KIAA0825: variants seen among roughly 807,000 people sequenced by gnomAD.
The protein encoded by KIAA0825 is uncharacterized protein KIAA0825.
KIAA0825 carries 119 observed loss-of-function variants against 147.6 expected under a neutral mutation model. That is an observed-to-expected ratio of 0.81 (90% confidence interval 0.69 to 0.94). KIAA0825 has a LOEUF of 0.94. Among genes scored for constraint, KIAA0825 ranks in the 40% least tolerant of loss-of-function variants. The pLI, the probability that KIAA0825 is intolerant of heterozygous loss-of-function variation, is 0.00. For synonymous variants in KIAA0825, 470 were observed against 518.1 expected (o/e 0.91, Z 1.26); for missense variants, 1,381 against 1,472.7 (o/e 0.94, Z 1.02).
At position 94,200,363 on chromosome 5, in the gene KIAA0825, C is replaced by T. The variant is rs146232278; in HGVS notation, c.3711-46239G>A. Among the ~76,000 whole-genome samples the T allele has an allele frequency of 5.0e-3, 757 of 152,286 alleles. 6 individuals carry two copies. Among genetic ancestry groups the T allele is most frequent in the African/African-American group, 0.017 (709 of 41,554 alleles). ...CAGGGTTTCTAGCTTCCTCCCCTGTCAGCCCTGTGGTCTGCATCCTTCCTC... is the reference window on the plus strand; with the variant it reads ...CAGGGTTTCTAGCTTCCTCCCCTGTTAGCCCTGTGGTCTGCATCCTTCCTC... On this transcript the variant is annotated intron_variant, in intron 20 of 20. Coordinates refer to ENST00000682413, the MANE Select transcript of KIAA0825 (RefSeq NM_001145678.3).
intron 1 of KIAA0825, among the ~76,000 whole-genome samples, chr5:94,596,248 C>T (rs140190489): frequency 1.8e-3 from 275 of 152,138 alleles, no homozygotes; most frequent in African/African-American, 5.9e-3. Flanking sequence ...CCATTTTAGT[C>T]GATTTTTGTA....
At chr5:94,176,610 C>T (rs998991428) in intron 20 of KIAA0825, among the ~76,000 whole-genome samples, 7 of 151,944 alleles carry the variant, frequency 4.6e-5, no homozygotes, top group Non-Finnish European at 1.0e-4. Context: ...GAGGGTCTTA[C>T]CTAAACAATT....
At chr5:94,374,674 C>A (rs1747269416) in intron 20 of KIAA0825, among the ~76,000 whole-genome samples, 1 of 152,150 alleles carries the variant, frequency 6.6e-6, no homozygotes, top group African/African-American at 2.4e-5. Flanking sequence ...ACTTTAGCTC[C>A]AGGCATCTCC....
At position 94,413,178 on chromosome 5, in the gene KIAA0825, C is replaced by T. The variant is rs147535475; in HGVS notation, c.2662+4023G>A. 617 of 152,000 alleles carry T rather than the reference C, an allele frequency of 4.1e-3. 6 individuals are homozygous for T. Among genetic ancestry groups the T allele is most frequent in the Middle Eastern group, 0.024 (7 of 296 alleles). The allele number at this position is 152,000 out of a possible 1,614,324, so 9.4% of individuals were successfully genotyped here. ...GTTGGTCAAGCTGGTCTCAAACTCTCGACCGCAGATGATCTCCCACTTTGG... is the reference window on the plus strand; with the variant it reads ...GTTGGTCAAGCTGGTCTCAAACTCTTGACCGCAGATGATCTCCCACTTTGG... On this transcript the variant is annotated intron_variant, in intron 15 of 20. Coordinates refer to ENST00000682413, the MANE Select transcript of KIAA0825 (RefSeq NM_001145678.3).
chr5:94,367,235 G>T lies in KIAA0825; in HGVS notation c.3710+17133C>A, dbSNP rs565129368. Among the ~76,000 whole-genome samples the T allele has an allele frequency of 5.9e-5, 9 of 152,290 alleles. No homozygotes were observed. In the South Asian group the frequency reaches 1.7e-3, roughly 28 times the overall value. ...TTTACACCTGTTGTAAGAAATAGGGGCCCGTAATCCCAGCACTTTGGGAGG... is the reference window on the plus strand; with the variant it reads ...TTTACACCTGTTGTAAGAAATAGGGTCCCGTAATCCCAGCACTTTGGGAGG... On this transcript the variant is annotated intron_variant, in intron 20 of 20. Coordinates refer to ENST00000682413, the MANE Select transcript of KIAA0825 (RefSeq NM_001145678.3).
In KIAA0825 at chr5:94,225,153, C is replaced by T. The variant is rs140131016; in HGVS notation, c.3711-71029G>A. Among the ~76,000 whole-genome samples the T allele has an allele frequency of 7.5e-4, 114 of 152,262 alleles. 1 individual carries two copies. The highest frequency in any genetic ancestry group is 3.4e-3 in the Middle Eastern group (1 of 294). On this transcript the variant is annotated intron_variant, in intron 20 of 20. Coordinates refer to ENST00000682413, the MANE Select transcript of KIAA0825 (RefSeq NM_001145678.3). ...TGTGCAAGACCTTAAGTTATATAAT[C>T]TCCTAAAATGAAGTAAGTTGAAATG... is the stretch of plus-strand genomic sequence containing the variant.
chr5:94,405,990 G>C (rs1752007115), intron 15 of KIAA0825, among the ~76,000 whole-genome samples: 1 of 152,000 alleles, frequency 6.6e-6, no homozygotes, highest in African/African-American at 2.4e-5. Context: ...TCAGTGGCAT[G>C]ATCTTGGCTC....
At chr5:94,192,266 A>G (rs1479448133) in intron 20 of KIAA0825, among the ~76,000 whole-genome samples, 1 of 152,218 alleles carries the variant, frequency 6.6e-6, no homozygotes, top group East Asian at 1.9e-4. Flanking sequence ...CACATCACAC[A>G]AGGTGAAGGT....
rs917849624 is a variant in KIAA0825, at chr5:94,439,195, G to T, written c.2497+787C>A. Among the ~76,000 whole-genome samples the T allele has an allele frequency of 6.6e-5, 10 of 152,262 alleles. No individual in the cohort carries two copies. In the East Asian group the frequency reaches 1.9e-3, roughly 29 times the overall value. ...ATGGTGAAGGGACTTGGGTGCTTCA[G>T]GTGTTGGGGAACTACAGAAGAAAGA... On this transcript the variant is annotated intron_variant, in intron 14 of 20. Transcript: ENST00000682413.
At chr5:94,451,272 G>T (rs1325423419) in intron 13 of KIAA0825, among the ~76,000 whole-genome samples, 1 of 152,030 alleles carries the variant, frequency 6.6e-6, no homozygotes, top group African/African-American at 2.4e-5. Flanking sequence ...ATTCCATACT[G>T]AATTGTTTAA....
chr5:94,463,147 T>C (rs892420814), intron 11 of KIAA0825, among the ~76,000 whole-genome samples: 7 of 151,680 alleles, frequency 4.6e-5, no homozygotes, highest in African/African-American at 1.7e-4. Flanking sequence ...TTATTTATCT[T>C]ATTCATAGAC....
At chr5:94,304,195 T>G (rs779705021) in intron 20 of KIAA0825, among the ~76,000 whole-genome samples, 7 of 152,104 alleles carry the variant, frequency 4.6e-5, no homozygotes, top group Non-Finnish European at 8.8e-5. Context: ...ATAAAAGTCA[T>G]GAGACATTGC....
intron 1 of KIAA0825, among the ~76,000 whole-genome samples, chr5:94,587,221 G>C (rs1303828571): frequency 2.0e-5 from 3 of 152,098 alleles, no homozygotes; most frequent in Non-Finnish European, 2.9e-5. Context: ...AGAAATAAAG[G>C]GTATTCAATT....
At chr5:94,501,168 TA>T (rs937709086) in intron 5 of KIAA0825, among the ~76,000 whole-genome samples, 1 of 152,092 alleles carries the variant, frequency 6.6e-6, no homozygotes, top group Non-Finnish European at 1.5e-5. Context: ...GATTTAAAAA[TA>T]AAAAAATATG....
intron 20 of KIAA0825, among the ~76,000 whole-genome samples, chr5:94,269,485 A>G (rs1214358480): frequency 2.0e-5 from 3 of 152,134 alleles, no homozygotes; most frequent in African/African-American, 7.2e-5. Flanking sequence ...GAGTGGCTGA[A>G]TGGAATTTTT....
chr5:94,430,785 C>CA (rs1427376050), intron 14 of KIAA0825, among the ~76,000 whole-genome samples: 2 of 152,188 alleles, frequency 1.3e-5, no homozygotes, highest in Admixed American at 6.5e-5. Flanking sequence ...TAAAATATTT[C>CA]AGTCACTGCC....
chr5:94,402,841 A>AAAG (rs149225930), intron 16 of KIAA0825, among the ~76,000 whole-genome samples: 8,626 of 151,980 alleles, frequency 0.057, 786 homozygotes, highest in African/African-American at 0.2. Context: ...TAAATAATCA[A>AAAG]AAGATTCACG....
intron 20 of KIAA0825, among the ~76,000 whole-genome samples, chr5:94,332,888 TTTG>T (rs1397359108): frequency 6.6e-6 from 1 of 152,150 alleles, no homozygotes; most frequent in Middle Eastern, 3.2e-3. Flanking sequence ...CTCTCCAGCA[TTTG>T]TTGTTTCCTT....
intron 20 of KIAA0825, among the ~76,000 whole-genome samples, chr5:94,165,615 A>G (rs1562291278): frequency 1.3e-5 from 2 of 152,246 alleles, no homozygotes; most frequent in African/African-American, 2.4e-5. Context: ...GTCCAACAAT[A>G]GATAAATGGA....
Sources: gnomAD v4.1 joint callset for allele counts (sites outside exome capture counted in the v4.1 genomes callset) on GRCh38, gnomAD v4.1.1 for gene constraint, MANE v1.5 for transcripts, NCBI Gene and HGNC (gene_info 2026-07-23, HGNC 2026-07-21) for gene names.